Variants in TIPARP observed in about 807,000 individuals in gnomAD.
TIPARP encodes the protein protein mono-ADP-ribosyltransferase TIPARP.
Under a neutral mutation model 56.5 loss-of-function variants are expected in TIPARP, and 12 were observed. The ratio of observed to expected loss-of-function variants is 0.21; its 90% CI spans 0.14 to 0.34. The LOEUF is 0.34. TIPARP is among the 10% of genes least tolerant of loss of function. The pLI, the probability that TIPARP is intolerant of heterozygous loss-of-function variation, is 1.00. For missense variants in TIPARP, 604 were observed against 781.6 expected (o/e 0.77, Z 2.71); for synonymous variants, 296 against 265.7 (o/e 1.11, Z -1.11).
At position 156,694,056 on chromosome 3, in the gene TIPARP, C is replaced by A; in HGVS notation, c.954C>A (p.Asn318Lys). ...TTTGGGCAGATTTGAATGCCATGAA[C>A]GTGTATGAAACAACTGAATTTGACC... ...QEFWADLNAM[N>K]VYETTEFDQL... The change falls in exon 3 of 6, where the codon AAC becomes AAA. Residue 318 changes from asparagine to lysine, a missense_variant. Asn to Lys is a moderately conservative substitution (Grantham distance 94). Transcript: ENST00000295924. 1 of 1,611,604 alleles carries A rather than the reference C, an allele frequency of 6.2e-7. No individual in the cohort carries two copies. Among genetic ancestry groups the A allele is most frequent in the Non-Finnish European group, 8.5e-7 (1 of 1,179,044 alleles).
intron 2 of TIPARP, among the ~76,000 whole-genome samples, chr3:156,688,353 G>A (rs374473550): frequency 1.5e-5 from 2 of 131,028 alleles, no homozygotes; most frequent in African/African-American, 5.9e-5. Context: ...TCCAGCCTGG[G>A]TGACAGAAGA....
chr3:156,706,016 A>G lies in TIPARP; in HGVS notation c.*885A>G, dbSNP rs1455940267. The G allele has an allele frequency of 2.0e-5, 3 of 152,650 alleles. No homozygotes were observed. Among genetic ancestry groups the G allele is most frequent in the South Asian group, 4.1e-4 (2 of 4,828 alleles). The allele number at this position is 152,650 out of a possible 1,614,324, so 9.5% of individuals were successfully genotyped here. A position where few individuals can be genotyped will look rare whatever the true frequency, so the allele number is the denominator to read the frequency against. On this transcript the variant is annotated 3_prime_UTR_variant, in exon 6 of 6. Coordinates refer to ENST00000295924, the MANE Select transcript of TIPARP (RefSeq NM_015508.5). ...AGTTTTAGAAAAAGGAAGTACATCT[A>G]TAGCCAAATTGATAAGGTTATTACT... is the stretch of plus-strand genomic sequence containing the variant.
intron 4 of TIPARP, among the ~76,000 whole-genome samples, chr3:156,697,061 T>C (rs866596449): frequency 1.3e-5 from 2 of 152,204 alleles, no homozygotes; most frequent in Non-Finnish European, 2.9e-5. Flanking sequence ...TGTAGTAAGA[T>C]TAATCTTAGA....
chr3:156,703,601 G>T lies in TIPARP; in HGVS notation c.1425G>T (p.Arg475=), dbSNP rs1722904801. The change falls in exon 5 of 6, where the codon CGG becomes CGT. Residue 475 remains arginine, a synonymous_variant. Coordinates refer to ENST00000295924, the MANE Select transcript of TIPARP (RefSeq NM_015508.5). The part of the protein sequence containing the change: ...VPVSAEDKSY[R]IIYNLFHKTV... Reference sequence around the variant, plus strand: ...TTTCTGCAGAGGATAAAAGTTATCGGATCATTTACAATCTTTTTCATAAGA... The same window carrying T: ...TTTCTGCAGAGGATAAAAGTTATCGTATCATTTACAATCTTTTTCATAAGA... 6 of 1,614,168 alleles carry T rather than the reference G, an allele frequency of 3.7e-6. No individual in the cohort carries two copies. The highest frequency in any genetic ancestry group is 5.1e-6 in the Non-Finnish European group (6 of 1,180,032).
Position 156,678,351 on chromosome 3 carries a change from T to C in TIPARP, c.654T>C (p.Ala218=). Residue 218 remains alanine, a synonymous_variant, in exon 2 of 6, where the codon GCT becomes GCC. Transcript: ENST00000295924. ...TELFQDKSEE[A]SLDLVFELVN... ...TCTTTCAGGACAAAAGTGAAGAGGC[T>C]TCCCTTGACCTCGTGTTTGAGCTGG... is the stretch of plus-strand genomic sequence containing the variant. 1 of 1,614,216 alleles carries C rather than the reference T, an allele frequency of 6.2e-7. No individual in the cohort carries two copies. The highest frequency in any genetic ancestry group is 8.5e-7 in the Non-Finnish European group (1 of 1,180,026).
intron 2 of TIPARP, among the ~76,000 whole-genome samples, chr3:156,683,130 G>A (rs1722345292): frequency 6.6e-6 from 1 of 152,096 alleles, no homozygotes; most frequent in Non-Finnish European, 1.5e-5. Context: ...TTTTCCTGAT[G>A]TATTTATGGT....
intron 2 of TIPARP, among the ~76,000 whole-genome samples, chr3:156,685,558 T>C (rs964539826): frequency 3.0e-4 from 46 of 152,250 alleles, no homozygotes; most frequent in Middle Eastern, 3.2e-3. Flanking sequence ...TCTGTTTTGG[T>C]GCTATTGCCT....
chr3:156,697,298 A>G lies in TIPARP; in HGVS notation c.1247+1273A>G, dbSNP rs527275098. Among the ~76,000 whole-genome samples, 5 of 152,280 alleles carry G rather than the reference A, an allele frequency of 3.3e-5. No individual in the cohort carries two copies. The South Asian group carries it at 1.0e-3, about 32-fold the overall frequency. ...ACCAGCAGCTTGGCATGCTGAGCCA[A>G]TCAAGCAAGATAGAACTTCTGTGTG... On this transcript the variant is annotated intron_variant, in intron 4 of 5. Transcript: ENST00000295924.
chr3:156,701,704 T>C (rs1722847621), intron 4 of TIPARP, among the ~76,000 whole-genome samples: 1 of 152,210 alleles, frequency 6.6e-6, no homozygotes, highest in African/African-American at 2.4e-5. Flanking sequence ...GTATCAGTAC[T>C]GAGGATCCAA....
At chr3:156,684,349 C>T (rs543162143) in intron 2 of TIPARP, among the ~76,000 whole-genome samples, 3 of 152,208 alleles carry the variant, frequency 2.0e-5, no homozygotes, top group Admixed American at 6.5e-5. Flanking sequence ...TTGATTTTAC[C>T]GCTACTTTGC....
intron 2 of TIPARP, among the ~76,000 whole-genome samples, chr3:156,689,526 C>T (rs770230542): frequency 6.6e-6 from 1 of 152,116 alleles, no homozygotes; most frequent in Non-Finnish European, 1.5e-5. Context: ...TCTTCTATAC[C>T]ACTACAACTG....
At chr3:156,696,962 TAGTGATTCTAATCCC>T (rs1483101147) in intron 4 of TIPARP, among the ~76,000 whole-genome samples, 1 of 152,226 alleles carries the variant, frequency 6.6e-6, no homozygotes, top group Non-Finnish European at 1.5e-5. Flanking sequence ...GAGAAAATCT[TAGTGATTCTAATCCC>T]ATGTTTGGAA....
At position 156,705,431 on chromosome 3, in the gene TIPARP, T is replaced by G; in HGVS notation, c.*300T>G. Reference sequence around the variant, plus strand: ...CAGCAATGTTATTAGGAGCATTAAATTAAAAAACTGAACAGCCTAATTTAA... The same window carrying G: ...CAGCAATGTTATTAGGAGCATTAAAGTAAAAAACTGAACAGCCTAATTTAA... On this transcript the variant is annotated 3_prime_UTR_variant, in exon 6 of 6. Coordinates refer to ENST00000295924, the MANE Select transcript of TIPARP (RefSeq NM_015508.5). The G allele has an allele frequency of 5.1e-6, 1 of 196,142 alleles. No individual in the cohort carries two copies. The highest frequency in any genetic ancestry group is 1.0e-5 in the Non-Finnish European group (1 of 95,820). The allele number at this position is 196,142 out of a possible 1,614,324, so 12.2% of individuals were successfully genotyped here.
At chr3:156,690,494 A>G (rs993626965) in intron 2 of TIPARP, among the ~76,000 whole-genome samples, 2 of 152,180 alleles carry the variant, frequency 1.3e-5, no homozygotes, top group African/African-American at 4.8e-5. Context: ...CATCTAAATT[A>G]TGAGAATGGG....
chr3:156,675,082 C>T (rs1722080886), intron 1 of TIPARP: 1 of 152,300 alleles, frequency 6.6e-6, no homozygotes, highest in South Asian at 2.1e-4. Context: ...GGCGCCTGCC[C>T]CTTCCCCGTT....
chr3:156,702,353 A>G (rs1722871200), intron 4 of TIPARP, among the ~76,000 whole-genome samples: 1 of 152,176 alleles, frequency 6.6e-6, no homozygotes, highest in South Asian at 2.1e-4. Flanking sequence ...GTCATCTTAC[A>G]GGGTTATTGT....
intron 2 of TIPARP, among the ~76,000 whole-genome samples, chr3:156,682,380 T>C (rs956746156): frequency 2.6e-5 from 4 of 152,220 alleles, no homozygotes; most frequent in Non-Finnish European, 4.4e-5. Flanking sequence ...GGAGCTTTAG[T>C]TGCTTTAAGG....
intron 2 of TIPARP, among the ~76,000 whole-genome samples, chr3:156,688,365 C>G (rs1473474941): frequency 1.4e-5 from 1 of 73,784 alleles, no homozygotes; most frequent in Admixed American, 2.2e-4. Flanking sequence ...GACAGAAGAC[C>G]CTATCTCAAA....
intron 2 of TIPARP, among the ~76,000 whole-genome samples, chr3:156,686,056 C>G (rs1470265682): frequency 6.6e-6 from 1 of 152,126 alleles, no homozygotes; most frequent in East Asian, 1.9e-4. Context: ...GGTTTGCCTT[C>G]TAAGGTTTAA....
Sources: allele counts gnomAD v4.1 joint callset (sites outside exome capture counted in the v4.1 genomes callset), GRCh38; gene constraint gnomAD v4.1.1; transcripts MANE v1.5; gene names NCBI Gene and HGNC (gene_info 2026-07-23, HGNC 2026-07-21).